The following DPY19L3 variants were observed in gnomAD, a reference collection of about 807,000 sequenced individuals.
The protein encoded by DPY19L3 is dpy-19 like C-mannosyltransferase 3.
In DPY19L3, 51 loss-of-function variants were observed where a neutral mutation model predicts 92.3. The ratio of observed to expected loss-of-function variants is 0.55; its 90% CI spans 0.44 to 0.70. The LOEUF (loss-of-function observed/expected upper bound fraction) is 0.70. Among genes scored for constraint, DPY19L3 ranks in the 30% least tolerant of loss-of-function variants. DPY19L3 has a pLI of 0.00. For synonymous variants in DPY19L3, 309 were observed against 315.2 expected (o/e 0.98, Z 0.21); for missense variants, 706 against 855.9 (o/e 0.82, Z 2.18).
chr19:32,441,829 A>G (rs573431014), intron 8 of DPY19L3, among the ~76,000 whole-genome samples: 35 of 152,272 alleles, frequency 2.3e-4, no homozygotes, highest in African/African-American at 8.2e-4. Context: ...TTAGAAAGCA[A>G]AGGTACTGTT....
intron 12 of DPY19L3, among the ~76,000 whole-genome samples, chr19:32,461,546 A>G (rs1970040546): frequency 6.6e-6 from 1 of 152,208 alleles, no homozygotes; most frequent in Non-Finnish European, 1.5e-5. Flanking sequence ...TTGTACCAAT[A>G]TGGAAACCAG....
chr19:32,469,767 T>G (rs1386398481), intron 16 of DPY19L3, among the ~76,000 whole-genome samples: 1 of 152,242 alleles, frequency 6.6e-6, no homozygotes. Context: ...GAATGAAATT[T>G]GTGTATTTCA....
At chr19:32,474,940 C>T (rs1036857378) in intron 16 of DPY19L3, among the ~76,000 whole-genome samples, 3 of 152,200 alleles carry the variant, frequency 2.0e-5, no homozygotes, top group Non-Finnish European at 4.4e-5. Flanking sequence ...CAGCCCAGCA[C>T]GTAATAGACC....
intron 9 of DPY19L3, among the ~76,000 whole-genome samples, chr19:32,454,202 A>G (rs1030376242): frequency 3.3e-5 from 5 of 152,188 alleles, no homozygotes; most frequent in Admixed American, 2.6e-4. Flanking sequence ...AAAAGGCACA[A>G]TGTACTTCTT....
chr19:32,477,095 G>T (rs898406958), intron 16 of DPY19L3, among the ~76,000 whole-genome samples: 3 of 152,128 alleles, frequency 2.0e-5, no homozygotes, highest in Non-Finnish European at 4.4e-5. Context: ...GTTAGACTCT[G>T]CCCCTCTGGA....
At chr19:32,448,830 A>G (rs191529866) in intron 8 of DPY19L3, among the ~76,000 whole-genome samples, 177 of 152,356 alleles carry the variant, frequency 1.2e-3, no homozygotes, top group Non-Finnish European at 2.0e-3. Flanking sequence ...TAGAACTGGG[A>G]AAGAATATCC....
chr19:32,421,987 G>A (rs937131136), intron 3 of DPY19L3, among the ~76,000 whole-genome samples: 4 of 152,168 alleles, frequency 2.6e-5, no homozygotes, highest in Non-Finnish European at 4.4e-5. Context: ...ACTCACCCTT[G>A]TAAACCACCC....
intron 3 of DPY19L3, among the ~76,000 whole-genome samples, chr19:32,418,912 C>G (rs1968467110): frequency 6.6e-6 from 1 of 151,450 alleles, no homozygotes; most frequent in Non-Finnish European, 1.5e-5. Context: ...AGTGGGAACC[C>G]TGAAATAGCA....
intron 2 of DPY19L3, among the ~76,000 whole-genome samples, chr19:32,410,051 G>A (rs1001446): frequency 0.27 from 41,079 of 152,030 alleles, 7,530 homozygotes; most frequent in African/African-American, 0.53. Flanking sequence ...TATTCTTCTA[G>A]CAGCAATGTT....
intron 16 of DPY19L3, among the ~76,000 whole-genome samples, chr19:32,476,374 A>G (rs1280588983): frequency 6.6e-6 from 1 of 151,790 alleles, no homozygotes; most frequent in Non-Finnish European, 1.5e-5. Context: ...GCAGGCACAG[A>G]CTCCTCTCAA....
At chr19:32,458,617 C>A in intron 12 of DPY19L3, 108 bp downstream of exon 12, 1 of 1,152,662 alleles carries the variant, frequency 8.7e-7, no homozygotes. Context: ...TAATAGTATT[C>A]ATCTTAAAGG....
chr19:32,449,157 A>T (rs184681284), intron 8 of DPY19L3, among the ~76,000 whole-genome samples: 1 of 152,350 alleles, frequency 6.6e-6, no homozygotes, highest in Non-Finnish European at 1.5e-5. Context: ...GGAACAAAGG[A>T]TACAAACACT....
rs751730566 is a variant in DPY19L3, at chr19:32,439,875, A to G, written c.820A>G (p.Thr274Ala). 5.6e-6 allele frequency: 9 copies of G among 1,613,864 alleles called. No homozygotes were observed. The highest frequency in any genetic ancestry group is 6.8e-6 in the Non-Finnish European group (8 of 1,179,832). ...MMLMQALVLF[T>A]LDSLDMLPAV... The stretch of plus-strand genomic sequence containing the variant: ...GCTGATGCAAGCATTAGTGCTGTTC[A>G]CACTGGACTCCCTGGACATGCTGCC... The change falls in exon 8 of 19, where the codon ACA becomes GCA. Residue 274 changes from threonine (T) to alanine (A), a missense_variant. Physicochemically the swap from Thr to Ala is moderately conservative, Grantham distance 58. Transcript: ENST00000392250.
chr19:32,468,741 G>T lies in DPY19L3; in HGVS notation c.1625G>T (p.Gly542Val). The T allele has an allele frequency of 1.2e-6, 2 of 1,613,840 alleles. 1 individual carries two copies. The highest frequency in any genetic ancestry group is 2.2e-5 in the South Asian group (2 of 91,072). Residue 542 changes from glycine to valine, a missense_variant, in exon 16 of 19, where the codon GGA becomes GTA. By Grantham distance (109) the Gly-to-Val change is moderately radical. Transcript: ENST00000392250. ...LLYLCYKFWP[G>V]MMDELSELRE... ...TGTTTTTAATTTCAGTTCTGGCCAG[G>T]AATGATGGATGAACTCTCCGAGTTG...
At chr19:32,453,883 A>T (rs963894111) in intron 9 of DPY19L3, among the ~76,000 whole-genome samples, 2 of 152,098 alleles carry the variant, frequency 1.3e-5, no homozygotes, top group African/African-American at 2.4e-5. Flanking sequence ...TAAATTTCTT[A>T]TATTTACATA....
rs57033794 is a variant in DPY19L3 at position 32,454,034 on chromosome 19, G to T, written c.987+758G>T. On this transcript the variant is annotated intron_variant, in intron 9 of 18. Coordinates refer to ENST00000392250, the MANE Select transcript of DPY19L3 (RefSeq NM_001172774.2). The stretch of plus-strand genomic sequence containing the variant: ...CTTATTAGTCTTTTGAGTGAGAATT[G>T]TTATGGACAAAGGTTTTTAGTTGAC... Among the ~76,000 whole-genome samples, 477 of 152,164 alleles carry T rather than the reference G, an allele frequency of 3.1e-3. 1 individual carries two copies. Among genetic ancestry groups the T allele is most frequent in the African/African-American group, 0.011 (454 of 41,534 alleles).
intron 3 of DPY19L3, among the ~76,000 whole-genome samples, chr19:32,417,462 AG>A (rs1968417549): frequency 6.6e-6 from 1 of 152,200 alleles, no homozygotes; most frequent in African/African-American, 2.4e-5. Flanking sequence ...TGAGCTTAAC[AG>A]GTGCGTGCCA....
rs1038348806 is a variant in DPY19L3, at chr19:32,458,130, A to G, written c.1120A>G (p.Ile374Val). 2 of 1,613,740 alleles carry G rather than the reference A, an allele frequency of 1.2e-6. No homozygotes were observed. Among genetic ancestry groups the G allele is most frequent in the Admixed American group, 3.3e-5 (2 of 59,940 alleles). ...KILNLKSDEH[I>V]FKFLKAKFGL... ...TCTTAACCTGAAGTCAGATGAACACATATTTAAATTTCTGAAGGCAAAATT... is the reference window on the plus strand; with the variant it reads ...TCTTAACCTGAAGTCAGATGAACACGTATTTAAATTTCTGAAGGCAAAATT... Residue 374 changes from isoleucine (I) to valine (V), a missense_variant, in exon 11 of 19, where the codon ATA (isoleucine) becomes GTA (valine). Physicochemically the swap from Ile to Val is conservative, Grantham distance 29. Transcript: ENST00000392250.
chr19:32,464,020 C>G (rs1263774945), intron 14 of DPY19L3, 40 bp downstream of exon 14: 3 of 1,415,814 alleles, frequency 2.1e-6, no homozygotes, highest in Non-Finnish European at 2.9e-6. Context: ...TTATGACTTG[C>G]AGTATTTCTT....
Sources: allele counts gnomAD v4.1 joint callset (sites outside exome capture counted in the v4.1 genomes callset), GRCh38; gene constraint gnomAD v4.1.1; transcripts MANE v1.5; gene names NCBI Gene and HGNC (gene_info 2026-07-23, HGNC 2026-07-21).